The following FLVCR1 variants were observed in gnomAD, a reference collection of about 807,000 sequenced individuals.
FLVCR1 encodes choline/ethanolamine transporter FLVCR1.
A neutral mutation model predicts 53.6 loss-of-function variants in FLVCR1; 34 were observed. That is an observed-to-expected ratio of 0.63 (90% CI 0.48 to 0.84). The LOEUF (loss-of-function observed/expected upper bound fraction) is 0.84, where lower values mean the gene tolerates loss of function less well. Among genes scored for constraint, FLVCR1 ranks in the 40% least tolerant of loss-of-function variants. FLVCR1 has a pLI of 0.00. For synonymous variants in FLVCR1, 300 were observed against 286.3 expected, an observed-to-expected ratio of 1.05 and a Z score of -0.48; for missense variants, 677 against 696.7, an observed-to-expected ratio of 0.97 and a Z score of 0.32.
intron 2 of FLVCR1, among the ~76,000 whole-genome samples, chr1:212,868,803 C>T (rs1472674297): frequency 6.6e-6 from 1 of 151,936 alleles, no homozygotes. Context: ...AAATATTCCT[C>T]AAAAAAAGAC....
chr1:212,859,804 A>G (rs1281561228), intron 1 of FLVCR1, among the ~76,000 whole-genome samples: 1 of 152,154 alleles, frequency 6.6e-6, no homozygotes, highest in Non-Finnish European at 1.5e-5. Context: ...AAAATTTGTC[A>G]ATGCAGTAAC....
chr1:212,887,073 A>G (rs189469980), intron 5 of FLVCR1, among the ~76,000 whole-genome samples: 3 of 152,324 alleles, frequency 2.0e-5, no homozygotes, highest in Non-Finnish European at 2.9e-5. Context: ...GGCTCAAGAT[A>G]TATTTGATAT....
intron 6 of FLVCR1, 146 bp from the exon 7 acceptor site, chr1:212,888,343 A>G: frequency 1.4e-6 from 1 of 700,298 alleles, no homozygotes; most frequent in South Asian, 1.5e-5. Flanking sequence ...TTGGTCAATG[A>G]TAATAGTTCC....
At chr1:212,886,828 CT>C (rs1404022077) in intron 5 of FLVCR1, among the ~76,000 whole-genome samples, 1 of 151,962 alleles carries the variant, frequency 6.6e-6, no homozygotes, top group African/African-American at 2.4e-5. Flanking sequence ...AGAATATACT[CT>C]GTTAATTGTA....
In FLVCR1 at chr1:212,859,101, A is replaced by C. The variant is rs1274206314; in HGVS notation, c.649A>C (p.Ile217Leu). The change falls in exon 1 of 10, where the codon ATC (isoleucine) becomes CTC (leucine). Residue 217 changes from isoleucine (I) to leucine (L), a missense_variant. Ile to Leu is a conservative substitution (Grantham distance 5). Transcript: ENST00000366971. Reference sequence around the variant, plus strand: ...CTTGTGCTCGGTGGCCCAGGTGTTCATCCTGGGCTTGCCCTCCCGCATCGC... The same window carrying C: ...CTTGTGCTCGGTGGCCCAGGTGTTCCTCCTGGGCTTGCCCTCCCGCATCGC... Reference protein sequence around the residue: ...QCLCSVAQVFILGLPSRIASV... With the variant: ...QCLCSVAQVFLLGLPSRIASV... The C allele has an allele frequency of 6.2e-7, 1 of 1,613,786 alleles. No homozygotes were observed. The highest frequency in any genetic ancestry group is 8.5e-7 in the Non-Finnish European group (1 of 1,179,980).
In FLVCR1 at chr1:212,875,733, C is replaced by T. The variant is rs564167502; in HGVS notation, c.1024+2915C>T. Among the ~76,000 whole-genome samples the T allele has an allele frequency of 5.9e-5, 9 of 151,372 alleles. No homozygotes were observed. In the South Asian group the frequency reaches 1.3e-3, roughly 21 times the overall value. ...GTGCGCACCTATAGTCCTAGCTACT[C>T]GGGAGGCTGAGGCAGGAGAATCGCT... is the stretch of plus-strand genomic sequence containing the variant. On this transcript the variant is annotated intron_variant, in intron 3 of 9. Transcript: ENST00000366971.
At chr1:212,874,823 G>A (rs544593813) in intron 3 of FLVCR1, among the ~76,000 whole-genome samples, 34 of 150,566 alleles carry the variant, frequency 2.3e-4, no homozygotes, top group Non-Finnish European at 2.5e-4. Context: ...CACTGCATCC[G>A]GCCTGGCTTT....
At chr1:212,890,808 C>G (rs919741524) in intron 8 of FLVCR1, among the ~76,000 whole-genome samples, 3 of 152,146 alleles carry the variant, frequency 2.0e-5, no homozygotes, top group Non-Finnish European at 4.4e-5. Context: ...CTTTGTGAAA[C>G]CTTCAATATG....
At chr1:212,876,566 A>G (rs753188553) in intron 3 of FLVCR1, among the ~76,000 whole-genome samples, 2 of 151,992 alleles carry the variant, frequency 1.3e-5, no homozygotes, top group Non-Finnish European at 2.9e-5. Context: ...GGGTTTCACC[A>G]TGTTGGCTAG....
At position 212,883,403 on chromosome 1, in the gene FLVCR1, A is replaced by C; in HGVS notation, c.1057A>C (p.Thr353Pro). The change falls in exon 4 of 10, where the codon ACG becomes CCG. Residue 353 changes from threonine to proline, a missense_variant. Thr to Pro is a conservative substitution (Grantham distance 38, BLOSUM62 -1). Coordinates refer to ENST00000366971, the MANE Select transcript of FLVCR1 (RefSeq NM_014053.4). The part of the protein sequence containing the change: ...IMTGAFYSVS[T>P]LLNQMILTYY... ...GACTGGTGCCTTTTATTCAGTCTCA[A>C]CGTTATTAAATCAAATGATATTGAC... 1 of 1,582,008 alleles carries C rather than the reference A, an allele frequency of 6.3e-7. No individual in the cohort carries two copies. Among genetic ancestry groups the C allele is most frequent in the Non-Finnish European group, 8.7e-7 (1 of 1,152,932 alleles).
chr1:212,863,636 C>A, intron 1 of FLVCR1, 89 bp from the exon 2 acceptor site: 1 of 1,098,662 alleles, frequency 9.1e-7, no homozygotes, highest in Non-Finnish European at 1.4e-6. Flanking sequence ...TTTATAAACA[C>A]TAGCTGTCCT....
Position 212,859,206 on chromosome 1 carries a change from G to A in FLVCR1, c.738+16G>A, listed in dbSNP as rs371954696. The A allele has an allele frequency of 4.0e-5, 65 of 1,613,866 alleles. No homozygotes were observed. Among genetic ancestry groups the A allele is most frequent in the Non-Finnish European group, 5.3e-5 (63 of 1,180,044 alleles). On this transcript the variant is annotated intron_variant, in intron 1 of 9. Coordinates refer to ENST00000366971, the MANE Select transcript of FLVCR1 (RefSeq NM_014053.4). ...GGGCAATCAGGTAAGTACTGGAGTGGTAGGTGAAAGTCAGATCCTTAAAAG... is the reference window on the plus strand; with the variant it reads ...GGGCAATCAGGTAAGTACTGGAGTGATAGGTGAAAGTCAGATCCTTAAAAG...
chr1:212,866,080 A>T (rs1430374451), intron 2 of FLVCR1, among the ~76,000 whole-genome samples: 1 of 146,602 alleles, frequency 6.8e-6, no homozygotes, highest in South Asian at 2.1e-4. Flanking sequence ...TGCCTCCCAC[A>T]TTCAAGGGAT....
In FLVCR1 at chr1:212,858,772, G is replaced by T; in HGVS notation, c.320G>T (p.Arg107Leu). The change falls in exon 1 of 10, where the codon CGC (arginine) becomes CTC (leucine). Residue 107 changes from arginine to leucine, a missense_variant. Coordinates refer to ENST00000366971, the MANE Select transcript of FLVCR1 (RefSeq NM_014053.4). ...PLPLTALSPR[R>L]FVVLLIFSLY... ...CCCCTTACGGCGCTCTCCCCGCGGC[G>T]CTTCGTGGTGCTCCTGATCTTCAGC... 1 of 1,614,074 alleles carries T rather than the reference G, an allele frequency of 6.2e-7. No individual in the cohort carries two copies. The highest frequency in any genetic ancestry group is 2.2e-5 in the East Asian group (1 of 44,872).
chr1:212,863,596 A>AAAAT, intron 1 of FLVCR1, 129 bp from the exon 2 acceptor site: 4 of 860,640 alleles, frequency 4.6e-6, no homozygotes, highest in Non-Finnish European at 7.3e-6. Context: ...AAAAAAAAAA[A>AAAAT]GAACATAATA....
intron 1 of FLVCR1, among the ~76,000 whole-genome samples, chr1:212,863,388 G>A (rs969936072): frequency 2.0e-5 from 3 of 152,158 alleles, no homozygotes; most frequent in Middle Eastern, 3.4e-3. Context: ...TCAGGAGTTC[G>A]ACACCAGCCT....
At chr1:212,894,077 G>A (rs1665271785) in intron 8 of FLVCR1, among the ~76,000 whole-genome samples, 1 of 150,962 alleles carries the variant, frequency 6.6e-6, no homozygotes, top group Non-Finnish European at 1.5e-5. Context: ...AGCCTGGCCA[G>A]TAAAGTGTTT....
chr1:212,895,077 A>C (rs765415332), intron 9 of FLVCR1, 24 bp downstream of exon 9: 1 of 1,421,624 alleles, frequency 7.0e-7, no homozygotes. Flanking sequence ...TTATGATTAT[A>C]CTGTTGAGAA....
In FLVCR1 at chr1:212,876,308, TA is replaced by T. The variant is rs1664751057; in HGVS notation, c.1024+3491del. 3.9e-5 allele frequency among the ~76,000 whole-genome samples: 6 copies of T among 152,064 alleles called. No individual in the cohort carries two copies. The South Asian group carries it at 1.2e-3, about 32-fold the overall frequency. ...TGTGGTTGGTTTTCTGTTCTTGCCT[TA>T]GTTTGCTGAGAATAACTGCTTCCAG... On this transcript the variant is annotated intron_variant, in intron 3 of 9. Coordinates refer to ENST00000366971, the MANE Select transcript of FLVCR1 (RefSeq NM_014053.4).
Sources: allele counts gnomAD v4.1 joint callset (sites outside exome capture counted in the v4.1 genomes callset), GRCh38; gene constraint gnomAD v4.1.1; transcripts MANE v1.5; gene names NCBI Gene and HGNC (gene_info 2026-07-23, HGNC 2026-07-21).